Variants in CPXM2 observed in about 807,000 individuals in gnomAD.
The protein encoded by CPXM2 is carboxypeptidase X, M14 family member 2.
In CPXM2, 66 loss-of-function variants were observed where a neutral mutation model predicts 86.1. The observed-to-expected ratio is 0.77, with a 90% confidence interval of 0.63 to 0.94. CPXM2 has a LOEUF of 0.94. Among genes scored for constraint, CPXM2 ranks in the 40% least tolerant of loss-of-function variants. CPXM2 has a pLI of 0.00. For missense variants in CPXM2, 948 were observed against 1,026.3 expected (o/e 0.92, Z 1.04); for synonymous variants, 388 against 400.2 (o/e 0.97, Z 0.36).
Position 123,840,860 on chromosome 10 carries a change from C to T in CPXM2, c.653+1489G>A, listed in dbSNP as rs533092442. Among the ~76,000 whole-genome samples the T allele has an allele frequency of 3.3e-5, 5 of 152,196 alleles. No individual in the cohort carries two copies. The South Asian group carries it at 1.0e-3, about 32-fold the overall frequency. ...TAAATGTAAGCACAGATGCCAGGTC[C>T]ATCTCACTTATCCCACTTTATTTAT... On this transcript the variant is annotated intron_variant, in intron 4 of 13. Coordinates refer to ENST00000241305, the MANE Select transcript of CPXM2 (RefSeq NM_198148.3).
intron 11 of CPXM2, among the ~76,000 whole-genome samples, chr10:123,761,506 T>C (rs1441070839): frequency 6.6e-6 from 1 of 152,208 alleles, no homozygotes; most frequent in African/African-American, 2.4e-5. Flanking sequence ...CTTTTTGTTG[T>C]TGTCCAATAT....
intron 4 of CPXM2, among the ~76,000 whole-genome samples, chr10:123,839,173 C>T (rs1328663966): frequency 6.6e-6 from 1 of 152,144 alleles, no homozygotes; most frequent in Non-Finnish European, 1.5e-5. Context: ...ACCCTCACCA[C>T]GTCTTTATGA....
At chr10:123,777,339 G>A (rs539842529) in intron 7 of CPXM2, 1 of 152,422 alleles carries the variant, frequency 6.6e-6, no homozygotes, top group African/African-American at 2.4e-5. Flanking sequence ...CCAAACCAAA[G>A]TAGGTCATTA....
At chr10:123,790,397 CAGGTGACCAGGGG>C in intron 6 of CPXM2, among the ~76,000 whole-genome samples, 1 of 151,834 alleles carries the variant, frequency 6.6e-6, no homozygotes, top group Non-Finnish European at 1.5e-5. Flanking sequence ...GAAGACGGAG[CAGGTGACCAGGGG>C]AACAGATGTG....
intron 2 of CPXM2, among the ~76,000 whole-genome samples, chr10:123,905,161 T>A (rs1353179166): frequency 6.6e-6 from 1 of 152,204 alleles, no homozygotes; most frequent in Non-Finnish European, 1.5e-5. Context: ...CAAGTGAGGC[T>A]ATTTCTAATG....
At chr10:123,804,547 CT>C (rs1456294519) in intron 4 of CPXM2, among the ~76,000 whole-genome samples, 1 of 152,048 alleles carries the variant, frequency 6.6e-6, no homozygotes, top group Non-Finnish European at 1.5e-5. Context: ...TATATGTTGA[CT>C]TTGTACCCAG....
chr10:123,767,201 G>A (rs372841007), intron 9 of CPXM2, 49 bp from the exon 10 acceptor site: 96 of 1,543,644 alleles, frequency 6.2e-5, no homozygotes, highest in East Asian at 3.6e-4. Flanking sequence ...AGGACAACGC[G>A]GACCCTCTAC....
At chr10:123,763,807 T>C (rs1315563396) in intron 10 of CPXM2, among the ~76,000 whole-genome samples, 2 of 152,176 alleles carry the variant, frequency 1.3e-5, no homozygotes, top group African/African-American at 4.8e-5. Flanking sequence ...TGTCTTCTGG[T>C]ACATATGTGT....
At chr10:123,818,077 T>G (rs1211440956) in intron 4 of CPXM2, among the ~76,000 whole-genome samples, 1 of 152,182 alleles carries the variant, frequency 6.6e-6, no homozygotes, top group African/African-American at 2.4e-5. Context: ...AGGAGGTATG[T>G]GGATGGACCT....
chr10:123,779,549 CCT>C (rs1389301209), intron 7 of CPXM2, among the ~76,000 whole-genome samples: 1 of 152,190 alleles, frequency 6.6e-6, no homozygotes, highest in African/African-American at 2.4e-5. Context: ...TCCCCAGGCC[CCT>C]GTCTCCTAAG....
Position 123,762,112 on chromosome 10 carries a change from C to A in CPXM2, c.1537G>T (p.Gly513Cys), listed in dbSNP as rs1468690860. The A allele has an allele frequency of 1.2e-6, 2 of 1,614,152 alleles. No homozygotes were observed. The highest frequency in any genetic ancestry group is 8.5e-7 in the Non-Finnish European group (1 of 1,180,034). ...AWMEKIPFVL[G>C]GNLQGGELVV... is the part of the protein sequence containing the mutation. ...AGCTCGCCGCCCTGCAGGTTGCCGC[C>A]CAGCACAAAAGGGATTTTTTCCATC... The change falls in exon 11 of 14, where the codon GGC (glycine) becomes TGC (cysteine). Residue 513 changes from glycine (G) to cysteine (C), a missense_variant. Transcript: ENST00000241305.
At position 123,910,529 on chromosome 10, in the gene CPXM2, C is replaced by G. The variant is rs547921464; in HGVS notation, n.174+28948G>C. ...CCCAGCTTTCTTCACTTCCCGTCAGCAAGGGCTACCTCAGCACCTCCTCAT... is the reference window on the plus strand; with the variant it reads ...CCCAGCTTTCTTCACTTCCCGTCAGGAAGGGCTACCTCAGCACCTCCTCAT... On this transcript the variant is annotated intron_variant and non_coding_transcript_variant, in intron 2 of 19. Coordinates refer to the CPXM2 transcript ENST00000368854. Among the ~76,000 whole-genome samples, 69 of 152,274 alleles carry G rather than the reference C, an allele frequency of 4.5e-4. 1 individual carries two copies. Among genetic ancestry groups the G allele is most frequent in the African/African-American group, 1.5e-3 (63 of 41,532 alleles).
intron 1 of CPXM2, among the ~76,000 whole-genome samples, chr10:123,887,623 A>C (rs1352254822): frequency 3.3e-5 from 5 of 152,178 alleles, no homozygotes; most frequent in Admixed American, 3.3e-4. Context: ...CTGGCATCCA[A>C]TTTGGAGTCC....
intron 1 of CPXM2, among the ~76,000 whole-genome samples, chr10:123,882,921 T>C (rs891866195): frequency 6.9e-6 from 1 of 144,216 alleles, no homozygotes; most frequent in Non-Finnish European, 1.5e-5. Context: ...GCGCAGCTTC[T>C]AATACCATGG....
chr10:123,817,829 G>A (rs1292720778), intron 4 of CPXM2, among the ~76,000 whole-genome samples: 1 of 152,214 alleles, frequency 6.6e-6, no homozygotes. Flanking sequence ...AAAGTAGACA[G>A]CTACAGCACG....
intron 4 of CPXM2, among the ~76,000 whole-genome samples, chr10:123,818,279 G>A (rs766561910): frequency 3.3e-5 from 5 of 152,176 alleles, no homozygotes; most frequent in Non-Finnish European, 5.9e-5. Flanking sequence ...CATGGGGGCA[G>A]GGATGGAGGT....
At chr10:123,920,275 T>G (rs1431330552) in intron 2 of CPXM2, among the ~76,000 whole-genome samples, 2 of 152,330 alleles carry the variant, frequency 1.3e-5, no homozygotes, top group East Asian at 1.9e-4. Flanking sequence ...TTCCTATATC[T>G]AGCAAAAATA....
At chr10:123,879,860 C>T (rs1437676135) in intron 2 of CPXM2, among the ~76,000 whole-genome samples, 1 of 152,164 alleles carries the variant, frequency 6.6e-6, no homozygotes, top group Non-Finnish European at 1.5e-5. Context: ...AAGAAATGCA[C>T]ACTGAAGGCC....
intron 4 of CPXM2, among the ~76,000 whole-genome samples, chr10:123,815,804 C>G (rs1486420614): frequency 6.6e-6 from 1 of 152,096 alleles, no homozygotes; most frequent in Admixed American, 6.6e-5. Context: ...CTCGAAAATA[C>G]TGCTTGAGTT....
Sources: gnomAD v4.1 joint callset for allele counts (sites outside exome capture counted in the v4.1 genomes callset) on GRCh38, gnomAD v4.1.1 for gene constraint, MANE v1.5 for transcripts, NCBI Gene and HGNC (gene_info 2026-07-23, HGNC 2026-07-21) for gene names.